The following WDHD1 variants were observed in gnomAD, a reference collection of about 807,000 sequenced individuals.
WDHD1 encodes the protein WD repeat and HMG-box DNA-binding protein 1.
WDHD1 carries 111 observed loss-of-function variants against 135.4 expected under a neutral mutation model. That is an observed-to-expected ratio of 0.82 (90% confidence interval 0.70 to 0.96). The LOEUF is 0.96. WDHD1 is among the 40% of genes least tolerant of loss of function. The pLI is 0.00. For missense variants in WDHD1, 1,351 were observed against 1,336.3 expected (o/e 1.01, Z -0.17); for synonymous variants, 434 against 439.0 (o/e 0.99, Z 0.14).
chr14:55,013,716 G>T, intron 2 of WDHD1, 120 bp from the exon 3 acceptor site: 1 of 736,284 alleles, frequency 1.4e-6, no homozygotes, highest in Non-Finnish European at 2.4e-6. Flanking sequence ...GACTAGCCTG[G>T]ATAATACAGA....
At chr14:54,944,283 T>C in intron 25 of WDHD1, 49 bp downstream of exon 25, 1 of 1,593,636 alleles carries the variant, frequency 6.3e-7, no homozygotes, top group Non-Finnish European at 8.5e-7. Flanking sequence ...AAGAATTTTT[T>C]AAATCTGGGA....
At chr14:54,959,441 GAGGC>G (rs560707275) in intron 21 of WDHD1, among the ~76,000 whole-genome samples, 42 of 145,828 alleles carry the variant, frequency 2.9e-4, no homozygotes, top group African/African-American at 4.2e-4. Context: ...GGGAGGGAGG[GAGGC>G]AGGCAGGCAG....
At chr14:54,966,212 C>T (rs1436735128) in intron 18 of WDHD1, among the ~76,000 whole-genome samples, 2 of 147,880 alleles carry the variant, frequency 1.4e-5, no homozygotes, top group Admixed American at 1.4e-4. Flanking sequence ...GTGGTGTGTG[C>T]CTGTAATCCT....
intron 16 of WDHD1, among the ~76,000 whole-genome samples, chr14:54,971,826 T>G (rs1056311942): frequency 7.3e-6 from 1 of 136,806 alleles, no homozygotes; most frequent in Non-Finnish European, 1.6e-5. Context: ...TAAAAAAAAA[T>G]CAGCAGCAAA....
intron 16 of WDHD1, among the ~76,000 whole-genome samples, chr14:54,975,315 T>C (rs952498633): frequency 3.9e-5 from 6 of 152,046 alleles, no homozygotes; most frequent in Non-Finnish European, 8.8e-5. Flanking sequence ...GGGGCAGGGA[T>C]GACATTAATA....
chr14:54,989,598 TAAC>T (rs1050466564), intron 12 of WDHD1, among the ~76,000 whole-genome samples: 19 of 152,034 alleles, frequency 1.2e-4, no homozygotes, highest in African/African-American at 4.3e-4. Flanking sequence ...TGGATGCAAA[TAAC>T]AACAGACTTT....
rs1304304856 is a variant in WDHD1, at chr14:54,944,275, G to A, written c.3189+57C>T. ...ACCCAGCCAAAAGGCATTTCTATAA[G>A]AATTTTTTAAATCTGGGAATTCACT... On this transcript the variant is annotated intron_variant, in intron 25 of 25. Coordinates refer to ENST00000360586, the MANE Select transcript of WDHD1 (RefSeq NM_007086.4). The A allele has an allele frequency of 8.2e-6, 13 of 1,590,802 alleles. No homozygotes were observed. In the East Asian group the frequency reaches 2.9e-4, roughly 36 times the overall value.
intron 2 of WDHD1, among the ~76,000 whole-genome samples, chr14:55,020,940 G>T (rs919752151): frequency 2.0e-5 from 3 of 152,168 alleles, no homozygotes; most frequent in East Asian, 3.8e-4. Flanking sequence ...AGTGGAAGTA[G>T]ATCATCATAA....
At chr14:55,024,682 C>G (rs1468544282) in intron 2 of WDHD1, among the ~76,000 whole-genome samples, 3 of 148,914 alleles carry the variant, frequency 2.0e-5, no homozygotes, top group Non-Finnish European at 1.5e-5. Context: ...TAACCTTACC[C>G]CCAACCCCGT....
At chr14:54,991,593 A>T (rs770687936) in intron 11 of WDHD1, among the ~76,000 whole-genome samples, 193 bp from the exon 12 acceptor site, 1 of 152,236 alleles carries the variant, frequency 6.6e-6, no homozygotes, top group Non-Finnish European at 1.5e-5. Context: ...GTGCCTTGGC[A>T]CCAATCAAGG....
At chr14:54,959,555 G>A (rs984086547) in intron 21 of WDHD1, among the ~76,000 whole-genome samples, 1 of 152,032 alleles carries the variant, frequency 6.6e-6, no homozygotes, top group Admixed American at 6.6e-5. Context: ...TTAAGCCCAG[G>A]AGTTCCAGAC....
intron 19 of WDHD1, 46 bp downstream of exon 19, chr14:54,962,900 CTTAACA>C (rs1466323628): frequency 6.2e-7 from 1 of 1,611,688 alleles, no homozygotes; most frequent in Non-Finnish European, 8.5e-7. Flanking sequence ...CAAAGACCAA[CTTAACA>C]TTCAAGACAG....
chr14:54,945,418 A>G (rs1305593561), intron 24 of WDHD1, among the ~76,000 whole-genome samples: 1 of 152,238 alleles, frequency 6.6e-6, no homozygotes, highest in East Asian at 1.9e-4. Context: ...AGATGGATAC[A>G]GTTATTATCT....
intron 21 of WDHD1, among the ~76,000 whole-genome samples, chr14:54,959,754 G>T (rs962312319): frequency 6.6e-6 from 1 of 151,598 alleles, no homozygotes; most frequent in Non-Finnish European, 1.5e-5. Context: ...GCTCCAGTCT[G>T]AGTGACAAAG....
chr14:54,984,969 G>C, intron 14 of WDHD1, 109 bp from the exon 15 acceptor site: 1 of 1,391,282 alleles, frequency 7.2e-7, no homozygotes, highest in Non-Finnish European at 9.8e-7. Context: ...AGACTGACTA[G>C]CACTACTTTT....
rs73266034 is a variant in WDHD1, at chr14:54,969,670, C to T, written c.2064-2276G>A. 7.4e-3 allele frequency among the ~76,000 whole-genome samples: 1,130 copies of T among 152,136 alleles called. 7 individuals carry two copies. The highest frequency in any genetic ancestry group is 0.026 in the African/African-American group (1,065 of 41,512). ...GGTACCAGTCCTACTGAAAATATTC[C>T]AAAATACCAACTCCTCTCCAAATCA... On this transcript the variant is annotated intron_variant, in intron 16 of 25. Coordinates refer to ENST00000360586, the MANE Select transcript of WDHD1 (RefSeq NM_007086.4).
intron 24 of WDHD1, among the ~76,000 whole-genome samples, chr14:54,954,036 C>T (rs1335497954): frequency 6.6e-6 from 1 of 151,478 alleles, no homozygotes; most frequent in Non-Finnish European, 1.5e-5. Context: ...ATGAGCACAG[C>T]ACACCAACAT....
rs191202748 is a variant in WDHD1, at chr14:54,969,139, C to T, written c.2064-1745G>A. On this transcript the variant is annotated intron_variant, in intron 16 of 25. Transcript: ENST00000360586. The stretch of plus-strand genomic sequence containing the variant: ...CTGCAAGCTCCGCCTTCCAGGTTCA[C>T]GCAATTCTCCTGCCTCAGCCTCCCA... Among the ~76,000 whole-genome samples the T allele has an allele frequency of 2.0e-3, 307 of 152,108 alleles. 3 individuals carry two copies. Among genetic ancestry groups the T allele is most frequent in the Non-Finnish European group, 3.5e-3 (240 of 67,982 alleles).
chr14:54,965,096 C>T (rs185414184), intron 18 of WDHD1, among the ~76,000 whole-genome samples: 165 of 152,272 alleles, frequency 1.1e-3, no homozygotes, highest in African/African-American at 3.2e-3. Flanking sequence ...TCTCTAAGAA[C>T]CTTTTTTCTC....
Sources: gnomAD v4.1 joint callset for allele counts (sites outside exome capture counted in the v4.1 genomes callset) on GRCh38, gnomAD v4.1.1 for gene constraint, MANE v1.5 for transcripts, NCBI Gene and HGNC (gene_info 2026-07-23, HGNC 2026-07-21) for gene names.